NPC1: variants seen among roughly 807,000 people sequenced by gnomAD.
NPC1 encodes NPC intracellular cholesterol transporter 1.
In NPC1, 85 loss-of-function variants were observed where a neutral mutation model predicts 140.4. That is an observed-to-expected ratio of 0.61 (90% CI 0.51 to 0.72). NPC1 has a LOEUF of 0.72. Among genes scored for constraint, NPC1 ranks in the 30% least tolerant of loss-of-function variants. The pLI is 0.00. For missense variants in NPC1, 1,504 were observed against 1,623.8 expected (o/e 0.93, Z 1.27); for synonymous variants, 656 against 624.8 (o/e 1.05, Z -0.74).
At chr18:23,574,529 G>A (rs1362393159) in intron 1 of NPC1, among the ~76,000 whole-genome samples, 2 of 152,096 alleles carry the variant, frequency 1.3e-5, no homozygotes, top group Non-Finnish European at 2.9e-5. Flanking sequence ...CAGGCAAGAA[G>A]CTAAGTCAGT....
intron 3 of NPC1, among the ~76,000 whole-genome samples, chr18:23,513,452 C>T (rs145519702): frequency 2.4e-4 from 37 of 152,324 alleles, no homozygotes; most frequent in Non-Finnish European, 4.4e-4. Context: ...TGTTGAGGGA[C>T]ATTTGGGTTG....
chr18:23,518,778 C>A, downstream of NPC1: 1 of 928,122 alleles, frequency 1.1e-6, no homozygotes, highest in Non-Finnish European at 1.6e-6. Context: ...TTGTTGGCAG[C>A]AAAATACTCC....
chr18:23,526,143 GTGGGTGATCAGTACATTTA>G (rs1211748030), downstream of NPC1, among the ~76,000 whole-genome samples: 1 of 152,216 alleles, frequency 6.6e-6, no homozygotes, highest in African/African-American at 2.4e-5. Flanking sequence ...TGCTGGCAGT[GTGGGTGATCAGTACATTTA>G]TGGGTCGATG....
In NPC1 at chr18:23,531,764, A is replaced by G; in HGVS notation, c.*438T>C. ...CAAAGTTAATTTATTGCATTAATAA[A>G]GCTCTTTAAACTATAAAATGTTATA... On this transcript the variant is annotated 3_prime_UTR_variant, in exon 25 of 25. Coordinates refer to ENST00000269228, the MANE Select transcript of NPC1 (RefSeq NM_000271.5). 6.3e-7 allele frequency: 1 copy of G among 1,582,682 alleles called. No homozygotes were observed. Among genetic ancestry groups the G allele is most frequent in the Non-Finnish European group, 8.6e-7 (1 of 1,169,486 alleles).
chr18:23,534,747 T>A (rs1014481061), intron 22 of NPC1, among the ~76,000 whole-genome samples, 188 bp from the exon 23 acceptor site: 2 of 152,132 alleles, frequency 1.3e-5, no homozygotes, highest in African/African-American at 4.8e-5. Flanking sequence ...TGGGGCCCTC[T>A]CTACACACAG....
chr18:23,539,727 A>G (rs1365189742), intron 18 of NPC1, 84 bp downstream of exon 18: 24 of 1,426,084 alleles, frequency 1.7e-5, no homozygotes, highest in Non-Finnish European at 2.0e-5. Flanking sequence ...GTCTATTTTC[A>G]GTGAGACATT....
chr18:23,524,306 T>C, downstream of NPC1: 1 of 1,481,678 alleles, frequency 6.7e-7, no homozygotes, highest in East Asian at 2.3e-5. Flanking sequence ...CTTCCCTGAC[T>C]GTCCAGGGGC....
intron 7 of NPC1, among the ~76,000 whole-genome samples, chr18:23,556,848 A>G (rs1453312457): frequency 6.6e-6 from 1 of 152,228 alleles, no homozygotes; most frequent in Non-Finnish European, 1.5e-5. Flanking sequence ...GAGCCTCTGA[A>G]GGGTGAGGTT....
rs1265712325 is a variant in NPC1 at position 23,586,346 on chromosome 18, T to C, written c.-3A>G. On this transcript the variant is annotated 5_prime_UTR_variant, in exon 1 of 25. Transcript: ENST00000269228. Reference sequence around the variant, plus strand: ...AGGGCCAGGCCGCGAGCGGTCATGCTGTGGCCGCGCAAGGCTGCTGACGCC... The same window carrying C: ...AGGGCCAGGCCGCGAGCGGTCATGCCGTGGCCGCGCAAGGCTGCTGACGCC... 6.5e-7 allele frequency: 1 copy of C among 1,533,124 alleles called. No homozygotes were observed. The highest frequency in any genetic ancestry group is 8.7e-7 in the Non-Finnish European group (1 of 1,145,910). 95.0% of individuals were successfully genotyped at this position (1,533,124 alleles called of 1,614,324 possible).
intron 2 of NPC1, among the ~76,000 whole-genome samples, chr18:23,572,650 ATG>A (rs1491016860): frequency 2.3e-4 from 23 of 100,230 alleles, no homozygotes; most frequent in Admixed American, 2.3e-3. Context: ...GCTAGGCAAC[ATG>A]GTGAAGCCCC....
intron 4 of NPC1, among the ~76,000 whole-genome samples, chr18:23,566,795 A>G (rs1555640490): frequency 1.3e-5 from 2 of 152,248 alleles, no homozygotes; most frequent in Non-Finnish European, 2.9e-5. Flanking sequence ...ATAGTATCAT[A>G]TAGAGTATTT....
intron 19 of NPC1, chr18:23,538,965 G>GT: frequency 2.1e-6 from 1 of 465,334 alleles, no homozygotes; most frequent in South Asian, 2.1e-5. Context: ...GGGCTTCTAT[G>GT]TTTTTATTAA....
chr18:23,584,132 G>C (rs918896718), intron 1 of NPC1, among the ~76,000 whole-genome samples: 1 of 152,180 alleles, frequency 6.6e-6, no homozygotes, highest in Non-Finnish European at 1.5e-5. Flanking sequence ...AGGCAGTCTA[G>C]TAATGTTATT....
intron 4 of NPC1, among the ~76,000 whole-genome samples, chr18:23,564,817 G>A (rs936609307): frequency 2.6e-5 from 4 of 152,054 alleles, no homozygotes; most frequent in East Asian, 1.9e-4. Context: ...TTAGGTCTTC[G>A]ATCCACTTTG....
At chr18:23,507,961 G>A (rs768376012) in intron 3 of NPC1, 5 of 1,608,156 alleles carry the variant, frequency 3.1e-6, no homozygotes, top group Non-Finnish European at 4.2e-6. Flanking sequence ...AAATTTGTGT[G>A]TGTCTGTGTG....
chr18:23,541,642 G>A (rs982931336), intron 14 of NPC1, among the ~76,000 whole-genome samples: 5 of 152,184 alleles, frequency 3.3e-5, no homozygotes, highest in African/African-American at 9.7e-5. Context: ...GACCATTTGG[G>A]AAGCCCCATC....
intron 17 of NPC1, 23 bp from the exon 18 acceptor site, chr18:23,540,024 G>C (rs1567950423): frequency 2.5e-6 from 4 of 1,599,154 alleles, no homozygotes; most frequent in Non-Finnish European, 2.6e-6. Context: ...TAAAAGAATA[G>C]GAGAGAGTGT....
intron 11 of NPC1, among the ~76,000 whole-genome samples, chr18:23,546,390 G>A (rs1396517050): frequency 6.6e-6 from 1 of 151,654 alleles, no homozygotes; most frequent in Admixed American, 6.6e-5. Context: ...GGATGCGAAC[G>A]AATTGGAAGT....
intron 8 of NPC1, among the ~76,000 whole-genome samples, chr18:23,555,663 A>G (rs1456229598): frequency 6.6e-6 from 1 of 152,242 alleles, no homozygotes; most frequent in Non-Finnish European, 1.5e-5. Context: ...CAAGTGTGAC[A>G]GGGACAATGG....
Sources: allele counts gnomAD v4.1 joint callset (sites outside exome capture counted in the v4.1 genomes callset), GRCh38; gene constraint gnomAD v4.1.1; transcripts MANE v1.5; gene names NCBI Gene and HGNC (gene_info 2026-07-23, HGNC 2026-07-21).